Variants in INVS observed in about 807,000 individuals in gnomAD.
INVS encodes the protein inversion of embryo turning homolog.
INVS carries 86 observed loss-of-function variants against 108.8 expected under a neutral mutation model. That is an observed-to-expected ratio of 0.79 (90% CI 0.66 to 0.95). INVS has a LOEUF of 0.95. INVS is among the 40% of genes least tolerant of loss of function. The pLI, the probability that INVS is intolerant of heterozygous loss-of-function variation, is 0.00. For missense variants in INVS, 1,169 were observed against 1,297.4 expected, an observed-to-expected ratio of 0.90 and a Z score of 1.52; for synonymous variants, 455 against 473.5, an observed-to-expected ratio of 0.96 and a Z score of 0.51.
intron 3 of INVS, among the ~76,000 whole-genome samples, chr9:100,202,755 C>G (rs1189920804): frequency 6.6e-6 from 1 of 152,180 alleles, no homozygotes; most frequent in African/African-American, 2.4e-5. Flanking sequence ...TCAGCAGGCT[C>G]ATTCTTGAAC....
At chr9:100,281,454 C>T (rs1833273002) in intron 12 of INVS, among the ~76,000 whole-genome samples, 1 of 152,146 alleles carries the variant, frequency 6.6e-6, no homozygotes, top group South Asian at 2.1e-4. Context: ...AGTTTTAAGG[C>T]AGCAATATAG....
intron 10 of INVS, among the ~76,000 whole-genome samples, chr9:100,264,618 CAA>C (rs36049678): frequency 1.2e-3 from 150 of 127,304 alleles, no homozygotes; most frequent in Non-Finnish European, 1.4e-3. Context: ...AACTCCGTCT[CAA>C]AAAAAAAAAA....
intron 3 of INVS, among the ~76,000 whole-genome samples, chr9:100,159,501 C>A (rs1276505587): frequency 1.3e-5 from 2 of 152,158 alleles, no homozygotes; most frequent in Non-Finnish European, 2.9e-5. Context: ...CAGGTAGACA[C>A]AAAGCTATTC....
chr9:100,174,474 C>G (rs899622184), intron 3 of INVS, among the ~76,000 whole-genome samples: 1 of 150,796 alleles, frequency 6.6e-6, no homozygotes, highest in Non-Finnish European at 1.5e-5. Context: ...ATTGAAAGAC[C>G]AAACTGTTTG....
chr9:100,187,521 A>ATTTTTTTTTTTTTTTT (rs1830087780), intron 3 of INVS, among the ~76,000 whole-genome samples: 1 of 89,426 alleles, frequency 1.1e-5, no homozygotes, highest in African/African-American at 6.1e-5. Flanking sequence ...ATCATCTATG[A>ATTTTTTTTTTTTTTTT]TTTCTTTTTT....
At chr9:100,294,663 T>A (rs551093277) in intron 14 of INVS, among the ~76,000 whole-genome samples, 9 of 152,158 alleles carry the variant, frequency 5.9e-5, no homozygotes, top group Admixed American at 2.6e-4. Context: ...ACATTATTAG[T>A]GAAGTTAGTT....
intron 3 of INVS, among the ~76,000 whole-genome samples, chr9:100,190,027 T>C (rs530903448): frequency 6.6e-6 from 1 of 152,254 alleles, no homozygotes; most frequent in African/African-American, 2.4e-5. Flanking sequence ...CCCCCACTAT[T>C]ATTGTGTTTC....
intron 15 of INVS, 129 bp downstream of exon 15, chr9:100,297,275 G>C: frequency 1.3e-6 from 1 of 796,514 alleles, no homozygotes; most frequent in Non-Finnish European, 2.1e-6. Flanking sequence ...AAAATTAATT[G>C]TATTATTAAA....
chr9:100,139,197 G>A (rs1828339876), intron 3 of INVS, among the ~76,000 whole-genome samples: 3 of 152,076 alleles, frequency 2.0e-5, no homozygotes, highest in Non-Finnish European at 4.4e-5. Context: ...TCTTTTCTCA[G>A]TTCTCGTACT....
At position 100,237,180 on chromosome 9, in the gene INVS, A is replaced by G. The variant is rs184575231; in HGVS notation, c.616-2880A>G. On this transcript the variant is annotated intron_variant, in intron 5 of 16. Transcript: ENST00000262457. ...CTGTGAGGGGAAAACCGCCTACTCA[A>G]GCCTCAGTAATGGTGACACCCCTCC... 6.2e-4 allele frequency among the ~76,000 whole-genome samples: 95 copies of G among 152,252 alleles called. 2 individuals carry two copies. The East Asian group carries it at 0.017, about 27-fold the overall frequency.
intron 10 of INVS, among the ~76,000 whole-genome samples, chr9:100,261,948 T>C (rs1264771434): frequency 1.3e-5 from 2 of 152,084 alleles, no homozygotes; most frequent in African/African-American, 2.4e-5. Flanking sequence ...TTTTAAATCA[T>C]AGTTGGGTTT....
At chr9:100,279,317 A>G (rs148206853) in intron 12 of INVS, among the ~76,000 whole-genome samples, 69 of 152,276 alleles carry the variant, frequency 4.5e-4, no homozygotes, top group African/African-American at 1.6e-3. Context: ...TGGCACATGA[A>G]TCTAAGTCTC....
intron 3 of INVS, among the ~76,000 whole-genome samples, chr9:100,211,060 A>G (rs914754076): frequency 1.2e-4 from 19 of 152,098 alleles, no homozygotes; most frequent in Non-Finnish European, 2.6e-4. Flanking sequence ...AGTGAATGAC[A>G]AACTCTGCGG....
intron 3 of INVS, among the ~76,000 whole-genome samples, chr9:100,153,194 AG>A (rs888726988): frequency 2.0e-5 from 3 of 152,136 alleles, no homozygotes; most frequent in Non-Finnish European, 4.4e-5. Context: ...GATAGGAAAA[AG>A]ACTAATAAAT....
At chr9:100,251,402 G>C (rs1037302756) in intron 8 of INVS, among the ~76,000 whole-genome samples, 2 of 152,240 alleles carry the variant, frequency 1.3e-5, no homozygotes, top group African/African-American at 4.8e-5. Context: ...CAAACCTATA[G>C]AGGGATGGCA....
At chr9:100,127,235 T>C (rs1404399754) in intron 3 of INVS, among the ~76,000 whole-genome samples, 1 of 152,042 alleles carries the variant, frequency 6.6e-6, no homozygotes, top group African/African-American at 2.4e-5. Flanking sequence ...ATTTAAAAGG[T>C]TGAAATGTCG....
chr9:100,104,746 T>G (rs1403792959), intron 2 of INVS, 119 bp downstream of exon 2: 13 of 740,560 alleles, frequency 1.8e-5, no homozygotes, highest in Non-Finnish European at 2.9e-5. Flanking sequence ...ATGTTATTAT[T>G]TATATTTTCT....
At chr9:100,104,711 T>G in intron 2 of INVS, 84 bp downstream of exon 2, 4 of 847,736 alleles carry the variant, frequency 4.7e-6, no homozygotes, top group Non-Finnish European at 8.1e-6. Flanking sequence ...TAATTTGCAA[T>G]GTACTCATAC....
At chr9:100,127,053 G>T (rs1215965402) in intron 3 of INVS, among the ~76,000 whole-genome samples, 1 of 151,982 alleles carries the variant, frequency 6.6e-6, no homozygotes, top group Non-Finnish European at 1.5e-5. Context: ...AAAATTAGCT[G>T]GGCATGGTGG....
Sources: allele counts gnomAD v4.1 joint callset (sites outside exome capture counted in the v4.1 genomes callset), GRCh38; gene constraint gnomAD v4.1.1; transcripts MANE v1.5; gene names NCBI Gene and HGNC (gene_info 2026-07-23, HGNC 2026-07-21).